The following GABARAP variants were observed in gnomAD, a reference collection of about 807,000 sequenced individuals.
The protein encoded by GABARAP is GABA type A receptor-associated protein.
In GABARAP, 5 loss-of-function variants were observed where a neutral mutation model predicts 16.7. That is an observed-to-expected ratio of 0.30 (90% CI 0.16 to 0.63). The LOEUF is 0.63. Ranked by LOEUF, GABARAP falls within the 20% of genes least tolerant of loss-of-function variation. The probability of loss-of-function intolerance (pLI) is 0.82; values close to 1 mark genes in which losing one functional copy is unlikely to be tolerated. For missense variants in GABARAP, 84 were observed against 146.6 expected (o/e 0.57, Z 2.21); for synonymous variants, 45 against 52.7 (o/e 0.85, Z 0.64).
rs2071776596 is a variant in GABARAP, at chr17:7,241,351, C to A, written c.279G>T (p.Gln93His). Residue 93 changes from glutamine to histidine, a missense_variant, in exon 3 of 4, where the codon CAG becomes CAT. Coordinates refer to ENST00000302386, the MANE Select transcript of GABARAP (RefSeq NM_007278.2). ...VIPPTSATMG[Q>H]LYQEHHEEDF... The stretch of plus-strand genomic sequence containing the variant: ...TTCCCAGTCACCATACCTGGTACAG[C>A]TGACCCATTGTGGCACTGGTGGGTG... The A allele has an allele frequency of 3.4e-6, 5 of 1,452,254 alleles. No homozygotes were observed. Among genetic ancestry groups the A allele is most frequent in the Non-Finnish European group, 4.8e-6 (5 of 1,032,784 alleles). 90.0% of individuals were successfully genotyped at this position (1,452,254 alleles called of 1,614,324 possible). A position where few individuals can be genotyped will look rare whatever the true frequency, so the allele number is the denominator to read the frequency against.
chr17:7,240,565 G>A lies in GABARAP; in HGVS notation c.*289C>T. 2 of 330,460 alleles carry A rather than the reference G, an allele frequency of 6.1e-6. No individual in the cohort carries two copies. The highest frequency in any genetic ancestry group is 6.1e-5 in the East Asian group (1 of 16,282). 20.5% of individuals were successfully genotyped at this position (330,460 alleles called of 1,614,324 possible). On this transcript the variant is annotated 3_prime_UTR_variant, in exon 4 of 4. Coordinates refer to ENST00000302386, the MANE Select transcript of GABARAP (RefSeq NM_007278.2). ...CCCTTGGGCAGTCAGAAAGGGAACA[G>A]AAACCAAAACAATCACTGGATGTGA...
At chr17:7,241,972 T>TG (rs1455460387) in intron 1 of GABARAP, 11 of 595,560 alleles carry the variant, frequency 1.8e-5, no homozygotes, top group Non-Finnish European at 2.7e-5. Flanking sequence ...CTTAGCTAGC[T>TG]GGGGGGATGA....
chr17:7,240,720 G>T lies in GABARAP; in HGVS notation c.*134C>A. ...CCTCCTAAGAGAGGCTGGAGAGAAA[G>T]CCACAAACATTAAGAAGTGCCGGTC... On this transcript the variant is annotated 3_prime_UTR_variant, in exon 4 of 4. Transcript: ENST00000302386. 6 of 670,512 alleles carry T rather than the reference G, an allele frequency of 8.9e-6. No homozygotes were observed. The highest frequency in any genetic ancestry group is 8.6e-5 in the South Asian group (5 of 57,842). The allele number at this position is 670,512 out of a possible 1,614,324, so 41.5% of individuals were successfully genotyped here.
chr17:7,242,237 T>C lies in GABARAP; in HGVS notation c.90+4A>G. ...GCGCCCTCGGCCCTGGCTACTGTCC[T>C]CACCGGCACCCGGTCCGGGTATTTC... On this transcript the variant is annotated splice_donor_region_variant and intron_variant, in intron 1 of 3. Transcript: ENST00000302386. 1 of 1,610,634 alleles carries C rather than the reference T, an allele frequency of 6.2e-7. No individual in the cohort carries two copies. Among genetic ancestry groups the C allele is most frequent in the African/African-American group, 1.3e-5 (1 of 74,986 alleles).
At chr17:7,241,242 A>C in intron 3 of GABARAP, 100 bp downstream of exon 3, 1 of 763,258 alleles carries the variant, frequency 1.3e-6, no homozygotes, top group Non-Finnish European at 2.4e-6. Context: ...AAGGCAAGCC[A>C]GGAAGCTAGT....
chr17:7,241,858 T>C (rs2071782014), intron 1 of GABARAP, 179 bp from the exon 2 acceptor site: 1 of 612,754 alleles, frequency 1.6e-6, no homozygotes, highest in South Asian at 1.9e-5. Context: ...TGGAGCTCAT[T>C]TAAATATCCA....
Position 7,242,131 on chromosome 17 carries a change from A to G in GABARAP, c.90+110T>C, listed in dbSNP as rs555711139. 1.3e-3 allele frequency: 1,003 copies of G among 788,590 alleles called. 1 individual carries two copies. Among genetic ancestry groups the G allele is most frequent in the Non-Finnish European group, 1.3e-3 (619 of 470,668 alleles). 48.8% of individuals were successfully genotyped at this position (788,590 alleles called of 1,614,324 possible). ...GACAGCAGTTTCAGGCTCGCTGCCA[A>G]CCCCACCACAGCCAGCAGCCTGATC... On this transcript the variant is annotated intron_variant, in intron 1 of 3. Transcript: ENST00000302386.
intron 3 of GABARAP, 51 bp from the exon 4 acceptor site, chr17:7,240,970 C>G: frequency 1.7e-6 from 2 of 1,164,268 alleles, no homozygotes; most frequent in East Asian, 2.3e-5. Context: ...GTAACTTAAA[C>G]CAACCACGAC....
In GABARAP at chr17:7,240,933, A is replaced by C. The variant is rs1040312806; in HGVS notation, c.289-14T>G. ...TTCATGGTGTTCCTGGGATGAAAGC[A>C]GAAAACTGTTCAGCAACTGGGCTCC... On this transcript the variant is annotated splice_polypyrimidine_tract_variant and intron_variant, in intron 3 of 3. Coordinates refer to ENST00000302386, the MANE Select transcript of GABARAP (RefSeq NM_007278.2). 1.9e-6 allele frequency: 3 copies of C among 1,601,194 alleles called. No homozygotes were observed. The highest frequency in any genetic ancestry group is 2.6e-6 in the Non-Finnish European group (3 of 1,168,370).
Position 7,240,764 on chromosome 17 carries a change from G to T in GABARAP, c.*90C>A. 1.2e-6 allele frequency: 1 copy of T among 836,276 alleles called. No individual in the cohort carries two copies. Among genetic ancestry groups the T allele is most frequent in the Non-Finnish European group, 2.1e-6 (1 of 482,574 alleles). The allele number at this position is 836,276 out of a possible 1,614,324, so 51.8% of individuals were successfully genotyped here. On this transcript the variant is annotated 3_prime_UTR_variant, in exon 4 of 4. Transcript: ENST00000302386. ...GCCGGTCCTGAATAAGGGAGGTGGT[G>T]TTTGAGCTTGAAGGAGGAGGAGGTC...
rs371733041 is a variant in GABARAP, at chr17:7,242,379, G to T, written c.-49C>A. ...GGGCTGGGCTGAGGGAACCCAGGGG[G>T]GCCGGGACGGGGGGCGGCGACGACG... On this transcript the variant is annotated 5_prime_UTR_variant, in exon 1 of 4. Coordinates refer to ENST00000302386, the MANE Select transcript of GABARAP (RefSeq NM_007278.2). The T allele has an allele frequency of 1.6e-5, 22 of 1,413,466 alleles. No homozygotes were observed. The highest frequency in any genetic ancestry group is 2.2e-5 in the Non-Finnish European group (22 of 1,005,000). 87.6% of individuals were successfully genotyped at this position (1,413,466 alleles called of 1,614,324 possible).
rs1567585048 is a variant in GABARAP, at chr17:7,241,339, T to C, written c.288+3A>G. On this transcript the variant is annotated splice_donor_region_variant and intron_variant, in intron 3 of 3. Coordinates refer to ENST00000302386, the MANE Select transcript of GABARAP (RefSeq NM_007278.2). ...AGCCTCCACCACTTCCCAGTCACCA[T>C]ACCTGGTACAGCTGACCCATTGTGG... The C allele has an allele frequency of 1.5e-6, 2 of 1,325,722 alleles. No individual in the cohort carries two copies. The highest frequency in any genetic ancestry group is 2.0e-4 in the Middle Eastern group (1 of 4,914). 82.1% of individuals were successfully genotyped at this position (1,325,722 alleles called of 1,614,324 possible). A position where few individuals can be genotyped will look rare whatever the true frequency, so the allele number is the denominator to read the frequency against.
In GABARAP at chr17:7,241,667, T is replaced by C; in HGVS notation, c.103A>G (p.Lys35Glu). The change falls in exon 2 of 4, where the codon AAG (lysine) becomes GAG (glutamate). Residue 35 changes from lysine (K) to glutamate (E), a missense_variant. Coordinates refer to ENST00000302386, the MANE Select transcript of GABARAP (RefSeq NM_007278.2). ...TCTCCTATCCGAGCTTTGGGAGCCT[T>C]TTCTACTATCACCTGATAAAGAGAT... ...YPDRVPVIVE[K>E]APKARIGDLD... The C allele has an allele frequency of 1.2e-6, 2 of 1,603,066 alleles. No individual in the cohort carries two copies. The highest frequency in any genetic ancestry group is 1.7e-6 in the Non-Finnish European group (2 of 1,169,978).
rs1026997025 is a variant in GABARAP, at chr17:7,242,411, A to ACG, written c.-83_-82dup. 2 of 983,556 alleles carry ACG rather than the reference A, an allele frequency of 2.0e-6. No homozygotes were observed. Among genetic ancestry groups the ACG allele is most frequent in the African/African-American group, 3.2e-5 (2 of 62,106 alleles). The allele number at this position is 983,556 out of a possible 1,614,324, so 60.9% of individuals were successfully genotyped here. Reference sequence around the variant, plus strand: ...ACGGGGGGCGGCGACGACGGCGGCGACGCGCGGGCGGATTCAGCGGAGCGA... The same window carrying ACG: ...ACGGGGGGCGGCGACGACGGCGGCGACGCGCGCGGGCGGATTCAGCGGAGCGA... On this transcript the variant is annotated 5_prime_UTR_variant, in exon 1 of 4. Coordinates refer to ENST00000302386, the MANE Select transcript of GABARAP (RefSeq NM_007278.2).
chr17:7,241,510 C>G (rs1269075919), intron 2 of GABARAP, 50 bp from the exon 3 acceptor site: 11 of 1,342,458 alleles, frequency 8.2e-6, no homozygotes, highest in Non-Finnish European at 1.1e-5. Flanking sequence ...AAAATGCCCT[C>G]AAAAGAACAG....
chr17:7,241,114 G>C (rs991744374), intron 3 of GABARAP, among the ~76,000 whole-genome samples, 195 bp from the exon 4 acceptor site: 5 of 152,150 alleles, frequency 3.3e-5, no homozygotes, highest in African/African-American at 7.2e-5. Context: ...CTTTGGAATG[G>C]GGAGGGGGAC....
At chr17:7,241,501 A>G in intron 2 of GABARAP, 41 bp from the exon 3 acceptor site, 2 of 1,339,774 alleles carry the variant, frequency 1.5e-6, no homozygotes, top group Non-Finnish European at 2.2e-6. Flanking sequence ...CAGAGGTCAA[A>G]AATGCCCTCA....
chr17:7,241,121 G>T, intron 3 of GABARAP: 2 of 678,010 alleles, frequency 2.9e-6, no homozygotes, highest in Non-Finnish European at 5.3e-6. Context: ...ATGGGGAGGG[G>T]GACTGGGAAG....
At chr17:7,241,049 G>C (rs1482741388) in intron 3 of GABARAP, 130 bp from the exon 4 acceptor site, 18 of 731,782 alleles carry the variant, frequency 2.5e-5, no homozygotes, top group East Asian at 2.2e-4. Flanking sequence ...CCTACCACAC[G>C]AGCAGTATAA....
Sources: allele counts gnomAD v4.1 joint callset (sites outside exome capture counted in the v4.1 genomes callset), GRCh38; gene constraint gnomAD v4.1.1; transcripts MANE v1.5; gene names NCBI Gene and HGNC (gene_info 2026-07-23, HGNC 2026-07-21).